Variants in FAM227B observed in about 807,000 individuals in gnomAD.
FAM227B encodes the protein protein FAM227B.
FAM227B carries 88 observed loss-of-function variants against 73.8 expected under a neutral mutation model. That is an observed-to-expected ratio of 1.19 (90% CI 1.00 to 1.42). FAM227B has a LOEUF of 1.42. Among genes scored for constraint, FAM227B ranks in the 40% most tolerant of loss-of-function variants. The pLI is 0.00. For missense variants in FAM227B, 632 were observed against 590.9 expected, an observed-to-expected ratio of 1.07 and a Z score of -0.72; for synonymous variants, 210 against 190.5, an observed-to-expected ratio of 1.10 and a Z score of -0.84.
intron 11 of FAM227B, among the ~76,000 whole-genome samples, chr15:49,393,785 C>T (rs941983614): frequency 3.9e-5 from 6 of 152,056 alleles, no homozygotes; most frequent in African/African-American, 1.4e-4. Flanking sequence ...AGAAGGAACA[C>T]CATCAGAAAC....
intron 10 of FAM227B, among the ~76,000 whole-genome samples, chr15:49,510,084 C>A (rs952652255): frequency 6.6e-6 from 1 of 151,982 alleles, no homozygotes; most frequent in Non-Finnish European, 1.5e-5. Context: ...CAAAAAAGGG[C>A]TATATTGTTA....
At chr15:49,354,985 C>T (rs926425927) in intron 13 of FAM227B, among the ~76,000 whole-genome samples, 10 of 151,906 alleles carry the variant, frequency 6.6e-5, no homozygotes, top group Admixed American at 3.9e-4. Context: ...GGCACACTGA[C>T]ACCTCACACG....
intron 10 of FAM227B, among the ~76,000 whole-genome samples, chr15:49,540,499 T>G (rs750655463): frequency 5.3e-5 from 8 of 152,248 alleles, no homozygotes; most frequent in Middle Eastern, 3.4e-3. Context: ...TCTAATTATT[T>G]TGTGTGTGTG....
rs75438818 is a variant in FAM227B at position 49,572,666 on chromosome 15, T to C, written c.645+2345A>G. Among the ~76,000 whole-genome samples the C allele has an allele frequency of 8.7e-3, 1,318 of 152,206 alleles. 32 individuals carry two copies. Among genetic ancestry groups the C allele is most frequent in the South Asian group, 0.068 (328 of 4,824 alleles). On this transcript the variant is annotated intron_variant, in intron 8 of 15. Coordinates refer to ENST00000299338, the MANE Select transcript of FAM227B (RefSeq NM_152647.3). ...TCTTTATATGTCTTATACCTTCTGT[T>C]TGAGAGCAGGGCACTTTCATAGGCC...
At chr15:49,346,982 T>A (rs1316824989) in intron 13 of FAM227B, among the ~76,000 whole-genome samples, 2 of 152,226 alleles carry the variant, frequency 1.3e-5, no homozygotes, top group Non-Finnish European at 2.9e-5. Flanking sequence ...AAACATTTTT[T>A]AAAAGGTTAT....
intron 11 of FAM227B, among the ~76,000 whole-genome samples, chr15:49,403,810 T>C (rs1311710645): frequency 1.3e-5 from 2 of 152,042 alleles, no homozygotes; most frequent in Non-Finnish European, 2.9e-5. Context: ...GCTTTGGGGT[T>C]GGTTTTCTCT....
intron 11 of FAM227B, among the ~76,000 whole-genome samples, chr15:49,481,113 A>G (rs2055903363): frequency 6.6e-6 from 1 of 152,236 alleles, no homozygotes. Context: ...AGAGACTTGA[A>G]GGAAAAGAAA....
intron 8 of FAM227B, among the ~76,000 whole-genome samples, chr15:49,573,502 TG>T (rs2075255236): frequency 6.6e-6 from 1 of 152,200 alleles, no homozygotes; most frequent in Non-Finnish European, 1.5e-5. Context: ...GGGAGGTGTT[TG>T]GGTCTTGGGG....
chr15:49,527,561 C>G (rs2060296547), intron 10 of FAM227B, among the ~76,000 whole-genome samples: 1 of 151,684 alleles, frequency 6.6e-6, no homozygotes, highest in South Asian at 2.1e-4. Flanking sequence ...GAAAAAAGGT[C>G]AAATTATTTG....
At chr15:49,386,467 C>A (rs1363424715) in intron 11 of FAM227B, among the ~76,000 whole-genome samples, 1 of 151,576 alleles carries the variant, frequency 6.6e-6, no homozygotes, top group Admixed American at 6.6e-5. Flanking sequence ...ATGATAATGA[C>A]CCAAGTTATC....
At chr15:49,404,408 G>A (rs937772518) in intron 11 of FAM227B, among the ~76,000 whole-genome samples, 3 of 152,118 alleles carry the variant, frequency 2.0e-5, no homozygotes, top group African/African-American at 2.4e-5. Context: ...TCTCTTTGAA[G>A]GTCTCTAAGA....
chr15:49,502,616 G>A (rs1398675119), intron 11 of FAM227B, among the ~76,000 whole-genome samples: 1 of 152,230 alleles, frequency 6.6e-6, no homozygotes, highest in Non-Finnish European at 1.5e-5. Flanking sequence ...ATAGGCGGAA[G>A]AGACTTGCCT....
rs561478879 is a variant in FAM227B, at chr15:49,442,270, A to C, written c.1012+65941T>G. On this transcript the variant is annotated intron_variant, in intron 11 of 15. Coordinates refer to ENST00000299338, the MANE Select transcript of FAM227B (RefSeq NM_152647.3). ...AAACATCCATACTTTTTCACTCTGC[A>C]TGACAATATTGACTAGAATTTTTCT... 7.2e-5 allele frequency among the ~76,000 whole-genome samples: 11 copies of C among 151,746 alleles called. No homozygotes were observed. The South Asian group carries it at 2.3e-3, about 31-fold the overall frequency.
At chr15:49,347,117 C>T (rs569194827) in intron 13 of FAM227B, among the ~76,000 whole-genome samples, 2 of 152,110 alleles carry the variant, frequency 1.3e-5, no homozygotes, top group Admixed American at 6.5e-5. Context: ...TTTAATACAT[C>T]ATTATCAGCA....
rs1161248324 is a variant in FAM227B, at chr15:49,327,483, A to G, written c.*1085T>C. The G allele has an allele frequency of 6.5e-6, 1 of 152,706 alleles. No homozygotes were observed. The highest frequency in any genetic ancestry group is 2.4e-5 in the African/African-American group (1 of 41,472). The allele number at this position is 152,706 out of a possible 1,614,324, so 9.5% of individuals were successfully genotyped here. On this transcript the variant is annotated 3_prime_UTR_variant, in exon 16 of 16. Coordinates refer to ENST00000299338, the MANE Select transcript of FAM227B (RefSeq NM_152647.3). ...GCCCGGCCTTAAGAATGCAGCTGAA[A>G]TAGCCATTGGGGAAAACTTGTATAA...
chr15:49,573,810 C>A (rs2075277948), intron 8 of FAM227B, among the ~76,000 whole-genome samples: 1 of 152,108 alleles, frequency 6.6e-6, no homozygotes, highest in Non-Finnish European at 1.5e-5. Context: ...TTGTTCAAGC[C>A]TTCTATATCA....
intron 11 of FAM227B, among the ~76,000 whole-genome samples, chr15:49,405,945 C>T (rs1049299083): frequency 5.9e-5 from 9 of 152,114 alleles, no homozygotes; most frequent in Non-Finnish European, 8.8e-5. Flanking sequence ...TGTGATGACC[C>T]GGAAGGTTTG....
chr15:49,354,349 T>C (rs1449014422), intron 13 of FAM227B, among the ~76,000 whole-genome samples: 2 of 152,156 alleles, frequency 1.3e-5, no homozygotes, highest in Non-Finnish European at 2.9e-5. Context: ...TTCATCTCAC[T>C]AGGGAGTGCC....
At chr15:49,558,514 A>G (rs2073955262) in intron 9 of FAM227B, among the ~76,000 whole-genome samples, 2 of 152,118 alleles carry the variant, frequency 1.3e-5, no homozygotes, top group Non-Finnish European at 2.9e-5. Context: ...CCCTACTTGA[A>G]CATTTCATCT....
Sources: allele counts gnomAD v4.1 joint callset (sites outside exome capture counted in the v4.1 genomes callset), GRCh38; gene constraint gnomAD v4.1.1; transcripts MANE v1.5; gene names NCBI Gene and HGNC (gene_info 2026-07-23, HGNC 2026-07-21).